The following GRM5 variants were observed in gnomAD, a reference collection of about 807,000 sequenced individuals.
GRM5 encodes glutamate metabotropic receptor 5.
In GRM5, 19 loss-of-function variants were observed where a neutral mutation model predicts 83.1. The ratio of observed to expected loss-of-function variants is 0.23; its 90% CI spans 0.16 to 0.34. GRM5 has a LOEUF of 0.34. GRM5 is among the 10% of genes least tolerant of loss of function. The pLI is 1.00. For missense variants in GRM5, 1,160 were observed against 1,588.3 expected, an observed-to-expected ratio of 0.73 and a Z score of 4.58; for synonymous variants, 675 against 633.6, an observed-to-expected ratio of 1.07 and a Z score of -0.98.
intron 6 of GRM5, among the ~76,000 whole-genome samples, chr11:88,592,124 A>G (rs1937653938): frequency 6.6e-6 from 1 of 152,198 alleles, no homozygotes. Flanking sequence ...GGGAAAGAGC[A>G]CTGGCTTGGG....
chr11:88,777,293 A>C (rs777763249), intron 3 of GRM5, among the ~76,000 whole-genome samples: 2 of 152,160 alleles, frequency 1.3e-5, no homozygotes, highest in Non-Finnish European at 2.9e-5. Flanking sequence ...CCATCAGGTC[A>C]TTTAAGGTCT....
In GRM5 at chr11:88,795,052, AC is replaced by A. The variant is rs577960649; in HGVS notation, c.911+54853del. 5.9e-5 allele frequency among the ~76,000 whole-genome samples: 9 copies of A among 152,358 alleles called. No individual in the cohort carries two copies. In the South Asian group the frequency reaches 1.9e-3, roughly 32 times the overall value. On this transcript the variant is annotated intron_variant, in intron 3 of 9. Transcript: ENST00000305447. ...GAACTTACAGAAATTTCAGATAAGA[AC>A]AAACAAGAATATTTTAACAATCAGA...
At position 88,894,090 on chromosome 11, in the gene GRM5, C is replaced by A. The variant is rs1945190843; in HGVS notation, c.662-43935G>T. 5.3e-5 allele frequency among the ~76,000 whole-genome samples: 8 copies of A among 151,920 alleles called. No individual in the cohort carries two copies. In the South Asian group the frequency reaches 1.5e-3, roughly 28 times the overall value. ...GACATTTTCAAGATGGTGGCTCCAT[C>A]TTCTCTTCTCTGTTAGCTATGTGTA... On this transcript the variant is annotated intron_variant, in intron 2 of 9. Transcript: ENST00000305447.
intron 3 of GRM5, among the ~76,000 whole-genome samples, chr11:88,681,987 C>T (rs932227087): frequency 2.0e-5 from 3 of 152,124 alleles, no homozygotes; most frequent in Non-Finnish European, 4.4e-5. Context: ...GACTATACTA[C>T]CACACATTTA....
intron 3 of GRM5, among the ~76,000 whole-genome samples, chr11:88,731,146 G>T (rs955563145): frequency 3.3e-5 from 5 of 152,024 alleles, no homozygotes; most frequent in African/African-American, 7.2e-5. Context: ...GCTCCAGAAA[G>T]CTGAGAAAGT....
At chr11:88,662,720 G>T (rs1378687244) in intron 3 of GRM5, among the ~76,000 whole-genome samples, 1 of 152,170 alleles carries the variant, frequency 6.6e-6, no homozygotes, top group African/African-American at 2.4e-5. Flanking sequence ...AATCTCCGTT[G>T]TTGGCTTTCC....
intron 3 of GRM5, among the ~76,000 whole-genome samples, chr11:88,806,699 T>C (rs1449000994): frequency 6.6e-6 from 1 of 152,170 alleles, no homozygotes; most frequent in African/African-American, 2.4e-5. Flanking sequence ...TCATCTCTGG[T>C]GCTTTTTATT....
At chr11:88,926,473 A>T (rs1945791253) in intron 2 of GRM5, among the ~76,000 whole-genome samples, 1 of 152,152 alleles carries the variant, frequency 6.6e-6, no homozygotes, top group African/African-American at 2.4e-5. Context: ...ACTTACGTAT[A>T]TATCTACTGA....
chr11:88,991,159 GC>G (rs2135047608), intron 2 of GRM5, among the ~76,000 whole-genome samples: 1 of 152,212 alleles, frequency 6.6e-6, no homozygotes, highest in South Asian at 2.1e-4. Context: ...AGCAACTTCA[GC>G]AAAGTCTCAG....
intron 3 of GRM5, among the ~76,000 whole-genome samples, chr11:88,733,110 A>G (rs1941840903): frequency 6.6e-6 from 1 of 152,056 alleles, no homozygotes; most frequent in South Asian, 2.1e-4. Flanking sequence ...TCTATAGGAT[A>G]GAACTCTACC....
At chr11:88,818,843 A>C (rs1431593689) in intron 3 of GRM5, among the ~76,000 whole-genome samples, 1 of 152,208 alleles carries the variant, frequency 6.6e-6, no homozygotes, top group Non-Finnish European at 1.5e-5. Context: ...AAAAGACAGC[A>C]TTATTGTATA....
intron 3 of GRM5, among the ~76,000 whole-genome samples, chr11:88,822,009 GT>G (rs11333174): frequency 0.088 from 13,370 of 152,074 alleles, 1,096 homozygotes; most frequent in African/African-American, 0.22. Context: ...TTCAGTGGAA[GT>G]TTTTATACAT....
Position 88,821,818 on chromosome 11 carries a change from T to C in GRM5, c.911+28088A>G, listed in dbSNP as rs116403906. On this transcript the variant is annotated intron_variant, in intron 3 of 9. Transcript: ENST00000305447. ...AAAATTAAAACTTGAAAAACACCCT[T>C]AACTCATGAACACCATGAACTCATT... Among the ~76,000 whole-genome samples, 365 of 152,274 alleles carry C rather than the reference T, an allele frequency of 2.4e-3. 2 individuals are homozygous for C. Among genetic ancestry groups the C allele is most frequent in the African/African-American group, 8.7e-3 (362 of 41,552 alleles).
intron 2 of GRM5, among the ~76,000 whole-genome samples, chr11:88,993,130 C>G (rs909264878): frequency 5.9e-5 from 9 of 151,526 alleles, no homozygotes; most frequent in Non-Finnish European, 1.5e-5. Flanking sequence ...GCTGGGCATC[C>G]TGGCGGGCGC....
Position 88,567,645 on chromosome 11 carries a change from T to C in GRM5, c.2038A>G (p.Ile680Val). The change falls in exon 8 of 10, where the codon ATC (isoleucine) becomes GTC (valine). Residue 680 changes from isoleucine to valine, a missense_variant. Physicochemically the swap from Ile to Val is conservative, Grantham distance 29. Coordinates refer to ENST00000305447, the MANE Select transcript of GRM5 (RefSeq NM_001143831.3). The surrounding 1 kb of genome is among the most constrained non-coding windows in gnomAD (Gnocchi z 7.3). ...ARILAGSKKK[I>V]CTKKPRFMSA... Reference sequence around the variant, plus strand: ...ATGAATCTGGGCTTTTTGGTACAGATCTTCTTCTTGCTGCCAGCCAGGATC... The same window carrying C: ...ATGAATCTGGGCTTTTTGGTACAGACCTTCTTCTTGCTGCCAGCCAGGATC... The C allele has an allele frequency of 6.2e-7, 1 of 1,614,100 alleles. No individual in the cohort carries two copies. Among genetic ancestry groups the C allele is most frequent in the Non-Finnish European group, 8.5e-7 (1 of 1,179,956 alleles).
chr11:88,751,084 A>C (rs942413202), intron 3 of GRM5, among the ~76,000 whole-genome samples: 3 of 148,038 alleles, frequency 2.0e-5, no homozygotes, highest in African/African-American at 4.9e-5. Context: ...AAAAAAAAAA[A>C]AAAAAAAAAA....
At chr11:88,995,376 C>T (rs1256624466) in intron 2 of GRM5, among the ~76,000 whole-genome samples, 1 of 151,828 alleles carries the variant, frequency 6.6e-6, no homozygotes, top group African/African-American at 2.4e-5. Context: ...GAAACCCCAT[C>T]TCTACTAAAA....
At chr11:88,752,409 C>A (rs1192003174) in intron 3 of GRM5, among the ~76,000 whole-genome samples, 3 of 152,098 alleles carry the variant, frequency 2.0e-5, no homozygotes, top group African/African-American at 7.2e-5. Flanking sequence ...AGTGAAGGAC[C>A]TCTTCAAGGA....
At chr11:88,548,193 G>A (rs1364298423) in intron 8 of GRM5, among the ~76,000 whole-genome samples, 1 of 152,124 alleles carries the variant, frequency 6.6e-6, no homozygotes, top group African/African-American at 2.4e-5. Flanking sequence ...TATGCCTGAG[G>A]CATACTTTTC....
Sources: gnomAD v4.1 joint callset for allele counts (sites outside exome capture counted in the v4.1 genomes callset) on GRCh38, gnomAD v4.1.1 for gene constraint, Gnocchi (gnomAD v3.1) non-coding constraint, MANE v1.5 for transcripts, NCBI Gene and HGNC (gene_info 2026-07-23, HGNC 2026-07-21) for gene names.